The following RAB11FIP3 variants were observed in gnomAD, a reference collection of about 807,000 sequenced individuals.
The protein encoded by RAB11FIP3 is rab11 family-interacting protein 3.
A neutral mutation model predicts 77.8 loss-of-function variants in RAB11FIP3; 17 were observed. That is an observed-to-expected ratio of 0.22 (90% CI 0.15 to 0.33). The LOEUF (loss-of-function observed/expected upper bound fraction) is 0.33, where lower values mean the gene tolerates loss of function less well. RAB11FIP3 is among the 10% of genes least tolerant of loss of function. RAB11FIP3 has a pLI of 1.00. For synonymous variants in RAB11FIP3, 437 were observed against 448.2 expected (o/e 0.98, Z 0.31); for missense variants, 1,005 against 1,011.2 (o/e 0.99, Z 0.08).
intron 1 of RAB11FIP3, among the ~76,000 whole-genome samples, chr16:445,993 A>G (rs2141871511): frequency 6.6e-6 from 1 of 152,124 alleles, no homozygotes; most frequent in East Asian, 1.9e-4. Flanking sequence ...AGTGTTCTAG[A>G]CACAGAGACG....
rs1470418497 is a variant in RAB11FIP3, at chr16:492,452, C to T, written c.1265+3452C>T. On this transcript the variant is annotated intron_variant, in intron 5 of 13. Coordinates refer to ENST00000262305, the MANE Select transcript of RAB11FIP3 (RefSeq NM_014700.4). Reference sequence around the variant, plus strand: ...CCGGGAGACCCGAGGCCGCCCAGGGCCCTTCCCGGGGAGACCCGAGGCCGC... The same window carrying T: ...CCGGGAGACCCGAGGCCGCCCAGGGTCCTTCCCGGGGAGACCCGAGGCCGC... 3.1e-5 allele frequency among the ~76,000 whole-genome samples: 4 copies of T among 129,386 alleles called. 1 individual carries two copies. Among genetic ancestry groups the T allele is most frequent in the African/African-American group, 9.9e-5 (3 of 30,444 alleles). The allele number at this position is 129,386 out of a possible 152,430, so 84.9% of individuals were successfully genotyped here. A position where few individuals can be genotyped will look rare whatever the true frequency, so the allele number is the denominator to read the frequency against.
At chr16:491,264 A>T in intron 5 of RAB11FIP3, 4 of 1,304,618 alleles carry the variant, frequency 3.1e-6, no homozygotes, top group Non-Finnish European at 4.0e-6. Context: ...TCTTGAAATG[A>T]ATAGGTAACT....
chr16:448,622 G>A (rs1318621478), intron 1 of RAB11FIP3, among the ~76,000 whole-genome samples: 1 of 151,854 alleles, frequency 6.6e-6, no homozygotes, highest in African/African-American at 2.4e-5. Flanking sequence ...TGTAGTCCCA[G>A]CTACTCGGGA....
intron 3 of RAB11FIP3, 149 bp from the exon 4 acceptor site, chr16:482,376 A>G: frequency 5.2e-6 from 4 of 773,974 alleles, no homozygotes; most frequent in Non-Finnish European, 9.1e-6. Flanking sequence ...TTTATAAGTA[A>G]TGTCTCTGCT....
At chr16:475,464 AT>A (rs1318672748) in intron 3 of RAB11FIP3, among the ~76,000 whole-genome samples, 7 of 152,154 alleles carry the variant, frequency 4.6e-5, no homozygotes, top group Non-Finnish European at 8.8e-5. Context: ...CTGTTACTGC[AT>A]TTTATCCAGG....
At chr16:489,555 G>A (rs896253315) in intron 5 of RAB11FIP3, among the ~76,000 whole-genome samples, 7 of 152,300 alleles carry the variant, frequency 4.6e-5, no homozygotes, top group East Asian at 3.9e-4. Flanking sequence ...GGGCTCCCAC[G>A]TGGGAGTCAG....
At chr16:497,484 A>C in intron 6 of RAB11FIP3, 1 of 1,199,834 alleles carries the variant, frequency 8.3e-7, no homozygotes, top group South Asian at 1.5e-5. Context: ...TTGCCTTCCT[A>C]GTCCCCGTCC....
At chr16:516,356 C>T (rs968836063) in intron 9 of RAB11FIP3, among the ~76,000 whole-genome samples, 1 of 152,128 alleles carries the variant, frequency 6.6e-6, no homozygotes, top group Non-Finnish European at 1.5e-5. Flanking sequence ...GAGGCTGGGA[C>T]AGGCTAAGCC....
intron 6 of RAB11FIP3, among the ~76,000 whole-genome samples, chr16:498,245 C>T (rs1344851276): frequency 6.6e-6 from 1 of 152,212 alleles, no homozygotes; most frequent in African/African-American, 2.4e-5. Flanking sequence ...GCAATCACAG[C>T]TCACTGCAGC....
rs565725265 is a variant in RAB11FIP3 at position 438,222 on chromosome 16, C to T, written c.714+11502C>T. On this transcript the variant is annotated intron_variant, in intron 1 of 13. Coordinates refer to ENST00000262305, the MANE Select transcript of RAB11FIP3 (RefSeq NM_014700.4). ...TCTCAGGTTCAAGCAATTCTCCTGCCTTAGCCTCCTGAGTAGCTGGGATTA... is the reference window on the plus strand; with the variant it reads ...TCTCAGGTTCAAGCAATTCTCCTGCTTTAGCCTCCTGAGTAGCTGGGATTA... Among the ~76,000 whole-genome samples the T allele has an allele frequency of 1.1e-3, 166 of 152,014 alleles. 1 individual carries two copies. The highest frequency in any genetic ancestry group is 3.7e-3 in the African/African-American group (154 of 41,446).
rs769181818 is a variant in RAB11FIP3 at position 518,943 on chromosome 16, G to A, written c.1641G>A (p.Arg547=). ...KSIEIENLQT[R]LQQLDEENSE... ...TTTCAGCTTTGTTCTTGTGTCCCAGGCTACAGCAACTGGACGAGGAGAACA... is the reference window on the plus strand; with the variant it reads ...TTTCAGCTTTGTTCTTGTGTCCCAGACTACAGCAACTGGACGAGGAGAACA... Residue 547 remains arginine, a splice_region_variant and synonymous_variant, in exon 10 of 14, where the codon AGG becomes AGA. Transcript: ENST00000262305. The A allele has an allele frequency of 6.2e-7, 1 of 1,613,400 alleles. No homozygotes were observed. Among genetic ancestry groups the A allele is most frequent in the Admixed American group, 1.7e-5 (1 of 59,998 alleles).
At chr16:449,409 C>A (rs574749269) in intron 1 of RAB11FIP3, among the ~76,000 whole-genome samples, 2 of 152,102 alleles carry the variant, frequency 1.3e-5, no homozygotes, top group Non-Finnish European at 1.5e-5. Flanking sequence ...CCCTCAGGTT[C>A]AACCACATGG....
intron 2 of RAB11FIP3, among the ~76,000 whole-genome samples, chr16:470,609 A>C (rs1245895446): frequency 1.3e-5 from 2 of 152,198 alleles, no homozygotes; most frequent in Non-Finnish European, 2.9e-5. Flanking sequence ...AGGTGCTTTG[A>C]CCTGTGAATA....
At position 480,286 on chromosome 16, in the gene RAB11FIP3, C is replaced by CAAAAAAAAAA. The variant is rs56228402; in HGVS notation, c.904-2228_904-2219dup. Among the ~76,000 whole-genome samples the CAAAAAAAAAA allele has an allele frequency of 1.3e-3, 107 of 79,998 alleles. 1 individual carries two copies. Among genetic ancestry groups the CAAAAAAAAAA allele is most frequent in the African/African-American group, 4.9e-3 (102 of 20,740 alleles). The allele number at this position is 79,998 out of a possible 152,430, so 52.5% of individuals were successfully genotyped here. A position where few individuals can be genotyped will look rare whatever the true frequency, so the allele number is the denominator to read the frequency against. On this transcript the variant is annotated intron_variant, in intron 3 of 13. Coordinates refer to ENST00000262305, the MANE Select transcript of RAB11FIP3 (RefSeq NM_014700.4). ...GGCAGGAAGAGTAAAACTCCTTCTC[C>CAAAAAAAAAA]AAAAAAAAAAAAAAAAAAAAGTTGA...
intron 5 of RAB11FIP3, among the ~76,000 whole-genome samples, chr16:492,455 T>TCCCCGGAGACCCGAGGCCGCCCAGGGCCC (rs1567392335): frequency 2.1e-5 from 1 of 48,172 alleles, no homozygotes. Flanking sequence ...CCCAGGGCCC[T>TCCCCGGAGACCCGAGGCCGCCCAGGGCCC]TCCCGGGGAG....
chr16:485,292 C>G (rs1384978670), intron 4 of RAB11FIP3, among the ~76,000 whole-genome samples: 1 of 152,172 alleles, frequency 6.6e-6, no homozygotes, highest in Non-Finnish European at 1.5e-5. Flanking sequence ...GTTGGGTCCT[C>G]TGTCTTTTTC....
rs58290701 is a variant in RAB11FIP3, at chr16:522,044, T to TGTGCGTGCGTGC, written c.*1205_*1206insGTGCGTGCGTGC. On this transcript the variant is annotated 3_prime_UTR_variant, in exon 14 of 14. Transcript: ENST00000262305. ...CGCTGCGTGTGTGTGCGCGCGCGTG[T>TGTGCGTGCGTGC]ACGTGTGGCCCCACATCCGCCGCCT... is the stretch of plus-strand genomic sequence containing the variant. 1 of 151,732 alleles carries TGTGCGTGCGTGC rather than the reference T, an allele frequency of 6.6e-6. No individual in the cohort carries two copies. The highest frequency in any genetic ancestry group is 6.6e-5 in the Admixed American group (1 of 15,260). 9.4% of individuals were successfully genotyped at this position (151,732 alleles called of 1,614,324 possible).
chr16:426,267 G>T lies in RAB11FIP3; in HGVS notation c.261G>T (p.Pro87=). 1 of 1,192,036 alleles carries T rather than the reference G, an allele frequency of 8.4e-7. No individual in the cohort carries two copies. Among genetic ancestry groups the T allele is most frequent in the Non-Finnish European group, 1.0e-6 (1 of 963,990 alleles). The allele number at this position is 1,192,036 out of a possible 1,614,324, so 73.8% of individuals were successfully genotyped here. A position where few individuals can be genotyped will look rare whatever the true frequency, so the allele number is the denominator to read the frequency against. Residue 87 remains proline (P), a synonymous_variant, in exon 1 of 14, where the codon CCG becomes CCT. Transcript: ENST00000262305. This position sits in a 1 kb window ranked among gnomAD's most constrained non-coding sequence, Gnocchi z 5.0. ...GLEGGPRDPG[P]SAPPPRSGPR... is the part of the protein sequence containing the mutation. Reference sequence around the variant, plus strand: ...AGGGAGGCCCGCGAGACCCCGGGCCGTCCGCCCCGCCGCCGCGCTCCGGCC... The same window carrying T: ...AGGGAGGCCCGCGAGACCCCGGGCCTTCCGCCCCGCCGCCGCGCTCCGGCC...
intron 3 of RAB11FIP3, among the ~76,000 whole-genome samples, chr16:481,158 C>G (rs1280047917): frequency 6.6e-6 from 1 of 151,910 alleles, no homozygotes; most frequent in Non-Finnish European, 1.5e-5. Flanking sequence ...GTCTTTATCA[C>G]TCAGGTTGGA....
Sources: allele counts gnomAD v4.1 joint callset (sites outside exome capture counted in the v4.1 genomes callset), GRCh38; gene constraint gnomAD v4.1.1; non-coding constraint Gnocchi (gnomAD v3.1); transcripts MANE v1.5; gene names NCBI Gene and HGNC (gene_info 2026-07-23, HGNC 2026-07-21).